Variants in RPS6KA5 observed in about 807,000 individuals in gnomAD.
RPS6KA5 encodes the protein ribosomal protein S6 kinase alpha-5.
Under a neutral mutation model 85.5 loss-of-function variants are expected in RPS6KA5, and 27 were observed. That is an observed-to-expected ratio of 0.32 (90% CI 0.23 to 0.44). RPS6KA5 has a LOEUF of 0.44. RPS6KA5 is among the 20% of genes least tolerant of loss of function. The pLI is 1.00. For missense variants in RPS6KA5, 811 were observed against 980.9 expected (o/e 0.83, Z 2.31); for synonymous variants, 334 against 348.2 (o/e 0.96, Z 0.46).
chr14:90,885,034 C>A (rs543641102), intron 14 of RPS6KA5, among the ~76,000 whole-genome samples: 1 of 151,522 alleles, frequency 6.6e-6, no homozygotes, highest in South Asian at 2.1e-4. Context: ...GGGTGGACTG[C>A]TTGAGCCCAG....
At chr14:90,977,916 A>T (rs1167851787) in intron 3 of RPS6KA5, among the ~76,000 whole-genome samples, 1 of 152,118 alleles carries the variant, frequency 6.6e-6, no homozygotes, top group Non-Finnish European at 1.5e-5. Flanking sequence ...TTAGCTGGGC[A>T]TGGTGGTGCA....
At chr14:90,956,379 T>G (rs992304556) in intron 3 of RPS6KA5, among the ~76,000 whole-genome samples, 1 of 152,174 alleles carries the variant, frequency 6.6e-6, no homozygotes, top group Non-Finnish European at 1.5e-5. Flanking sequence ...CCACAGTTTA[T>G]CTTTTTAATC....
At chr14:90,924,580 C>A (rs60695937) in intron 5 of RPS6KA5, among the ~76,000 whole-genome samples, 11,438 of 152,088 alleles carry the variant, frequency 0.075, 1,167 homozygotes, top group African/African-American at 0.22. Flanking sequence ...AAGGAGACAA[C>A]CTATTTGACA....
At chr14:90,964,823 G>T (rs960190832) in intron 3 of RPS6KA5, among the ~76,000 whole-genome samples, 1 of 148,242 alleles carries the variant, frequency 6.7e-6, no homozygotes, top group African/African-American at 2.5e-5. Context: ...GCTGAGGCAG[G>T]AAGATCATTT....
At chr14:90,994,268 C>T (rs2040422704) in intron 2 of RPS6KA5, among the ~76,000 whole-genome samples, 2 of 152,088 alleles carry the variant, frequency 1.3e-5, no homozygotes, top group South Asian at 4.1e-4. Flanking sequence ...TTCCAATCCA[C>T]AATAATTTTC....
intron 14 of RPS6KA5, among the ~76,000 whole-genome samples, chr14:90,885,767 A>AAAAG (rs2034176686): frequency 1.4e-5 from 2 of 140,006 alleles, no homozygotes; most frequent in African/African-American, 2.7e-5. Flanking sequence ...AAAAAAAAAA[A>AAAAG]AAAAAAGAAA....
At chr14:91,004,874 A>G (rs1000453862) in intron 1 of RPS6KA5, among the ~76,000 whole-genome samples, 3 of 152,012 alleles carry the variant, frequency 2.0e-5, no homozygotes, top group Admixed American at 1.3e-4. Context: ...AGGCTGAGGC[A>G]GGAGAATGGC....
intron 2 of RPS6KA5, among the ~76,000 whole-genome samples, chr14:90,989,997 T>G (rs1263052369): frequency 6.6e-6 from 1 of 152,090 alleles, no homozygotes; most frequent in African/African-American, 2.4e-5. Flanking sequence ...TATGGAGGGC[T>G]CTCAGTGCAA....
At chr14:91,026,408 C>T (rs1241950563) in intron 1 of RPS6KA5, among the ~76,000 whole-genome samples, 1 of 151,530 alleles carries the variant, frequency 6.6e-6, no homozygotes, top group Non-Finnish European at 1.5e-5. Flanking sequence ...TTTTTTTTTT[C>T]CCAGTAGAGA....
At chr14:90,932,119 T>C (rs537397925) in intron 5 of RPS6KA5, among the ~76,000 whole-genome samples, 1 of 152,134 alleles carries the variant, frequency 6.6e-6, no homozygotes, top group East Asian at 1.9e-4. Context: ...CATTCAATCA[T>C]TCATTCATTC....
chr14:90,895,124 C>A (rs951951822), intron 12 of RPS6KA5, among the ~76,000 whole-genome samples: 1 of 151,500 alleles, frequency 6.6e-6, no homozygotes, highest in African/African-American at 2.4e-5. Context: ...GTAGAATGGG[C>A]AACTGAGTAG....
At chr14:90,906,504 C>T (rs1010815762) in intron 7 of RPS6KA5, among the ~76,000 whole-genome samples, 1 of 151,876 alleles carries the variant, frequency 6.6e-6, no homozygotes, top group Non-Finnish European at 1.5e-5. Context: ...AGAGCAGTAA[C>T]AAAAAATGTT....
intron 1 of RPS6KA5, among the ~76,000 whole-genome samples, chr14:91,055,289 C>G (rs2043267358): frequency 6.6e-6 from 1 of 152,140 alleles, no homozygotes; most frequent in Non-Finnish European, 1.5e-5. Context: ...GTTACATACC[C>G]AAGAGAAATA....
intron 1 of RPS6KA5, among the ~76,000 whole-genome samples, chr14:91,004,449 C>T (rs1034958549): frequency 2.0e-5 from 3 of 152,140 alleles, no homozygotes. Flanking sequence ...TTACAATAGT[C>T]CTCAAAGTTA....
intron 5 of RPS6KA5, among the ~76,000 whole-genome samples, chr14:90,924,717 T>A (rs1397328423): frequency 6.6e-6 from 1 of 152,226 alleles, no homozygotes; most frequent in Non-Finnish European, 1.5e-5. Context: ...TAATATGGAA[T>A]ACTCATGTGT....
At chr14:90,887,520 A>G (rs2034301466) in intron 14 of RPS6KA5, among the ~76,000 whole-genome samples, 1 of 152,108 alleles carries the variant, frequency 6.6e-6, no homozygotes, top group Non-Finnish European at 1.5e-5. Flanking sequence ...CCACAATATC[A>G]GTATCACATC....
chr14:91,006,328 T>A (rs530077329), intron 1 of RPS6KA5, among the ~76,000 whole-genome samples: 11 of 152,348 alleles, frequency 7.2e-5, no homozygotes, highest in South Asian at 6.2e-4. Flanking sequence ...TCAGGGGTTC[T>A]CCTGGGACCT....
At chr14:90,901,874 A>G (rs767628802) in intron 9 of RPS6KA5, among the ~76,000 whole-genome samples, 2 of 152,234 alleles carry the variant, frequency 1.3e-5, no homozygotes, top group Non-Finnish European at 2.9e-5. Context: ...AACATTGTGA[A>G]CTAAAGAATG....
At chr14:91,012,432 C>T (rs946304919) in intron 1 of RPS6KA5, among the ~76,000 whole-genome samples, 1 of 152,158 alleles carries the variant, frequency 6.6e-6, no homozygotes, top group Admixed American at 6.5e-5. Flanking sequence ...TCCTATCTTC[C>T]GAACACTAGC....
Sources: gnomAD v4.1 joint callset for allele counts (sites outside exome capture counted in the v4.1 genomes callset) on GRCh38, gnomAD v4.1.1 for gene constraint, MANE v1.5 for transcripts, NCBI Gene and HGNC (gene_info 2026-07-23, HGNC 2026-07-21) for gene names.